The following F5 variants were observed in gnomAD, a reference collection of about 807,000 sequenced individuals.
F5 encodes activated protein c cofactor.
F5 carries 138 observed loss-of-function variants against 216.4 expected under a neutral mutation model. That is an observed-to-expected ratio of 0.64 (90% CI 0.56 to 0.73). The LOEUF is 0.73. F5 is among the 30% of genes least tolerant of loss of function. F5 has a pLI of 0.00. For missense variants in F5, 2,403 were observed against 2,674.0 expected, an observed-to-expected ratio of 0.90 and a Z score of 2.24; for synonymous variants, 916 against 930.7, an observed-to-expected ratio of 0.98 and a Z score of 0.29.
intron 3 of F5, among the ~76,000 whole-genome samples, chr1:169,569,527 C>T (rs1207025102): frequency 6.6e-6 from 1 of 152,036 alleles, no homozygotes; most frequent in East Asian, 1.9e-4. Flanking sequence ...AAAGGTGCAG[C>T]ATTGAAGTCA....
chr1:169,537,508 A>C (rs1166619352), intron 13 of F5, among the ~76,000 whole-genome samples: 3 of 152,180 alleles, frequency 2.0e-5, no homozygotes, highest in Admixed American at 2.0e-4. Flanking sequence ...TCAAACTCAA[A>C]AGTTTATGCA....
Position 169,530,927 on chromosome 1 carries a change from G to C in F5, c.5067C>G (p.Asp1689Glu). The C allele has an allele frequency of 6.2e-7, 1 of 1,613,770 alleles. No homozygotes were observed. The highest frequency in any genetic ancestry group is 8.5e-7 in the Non-Finnish European group (1 of 1,179,740). The change falls in exon 15 of 25, where the codon GAC becomes GAG. Residue 1689 changes from aspartate to glutamate, a missense_variant. Physicochemically the swap from Asp to Glu is conservative, Grantham distance 45. Coordinates refer to ENST00000367797, the MANE Select transcript of F5 (RefSeq NM_000130.5). ...TATCTTCCTTAAACCATTCAGGAGA[G>C]TCATCTTCATAAGTCTTTCCCTCTG... Reference protein sequence around the residue: ...KSSEGKTYEDDSPEWFKEDNA... With the variant: ...KSSEGKTYEDESPEWFKEDNA...
In F5 at chr1:169,581,327, A is replaced by G. The variant is rs557635264; in HGVS notation, c.250+1104T>C. ...ATTTTAGTAGACTTATTCATACTAA[A>G]GCAGATTAGGGAAGGAATATAGGCG... On this transcript the variant is annotated intron_variant, in intron 2 of 24. Coordinates refer to ENST00000367797, the MANE Select transcript of F5 (RefSeq NM_000130.5). Among the ~76,000 whole-genome samples, 8 of 152,318 alleles carry G rather than the reference A, an allele frequency of 5.3e-5. No homozygotes were observed. The East Asian group carries it at 9.6e-4, about 18-fold the overall frequency.
At chr1:169,545,691 C>T (rs564078733) in intron 11 of F5, among the ~76,000 whole-genome samples, 82 of 152,178 alleles carry the variant, frequency 5.4e-4, no homozygotes, top group Non-Finnish European at 8.8e-4. Context: ...CCCTAGCTGT[C>T]AGTCATCTGA....
chr1:169,561,250 CTT>C (rs1660478273), intron 3 of F5, among the ~76,000 whole-genome samples: 1 of 150,400 alleles, frequency 6.6e-6, no homozygotes, highest in African/African-American at 2.5e-5. Flanking sequence ...TGTTTTATCT[CTT>C]TATTTCATCT....
intron 13 of F5, 84 bp from the exon 14 acceptor site, chr1:169,536,764 C>A: frequency 9.3e-7 from 1 of 1,076,298 alleles, no homozygotes; most frequent in Non-Finnish European, 1.4e-6. Context: ...CTAAATATAG[C>A]ATCTAGCATA....
intron 13 of F5, among the ~76,000 whole-genome samples, chr1:169,538,514 A>G (rs781395704): frequency 6.6e-6 from 1 of 152,232 alleles, no homozygotes; most frequent in African/African-American, 2.4e-5. Flanking sequence ...TAGGTTAATT[A>G]GCTTGATTTA....
At chr1:169,576,826 G>T (rs1471691271) in intron 2 of F5, among the ~76,000 whole-genome samples, 1 of 152,096 alleles carries the variant, frequency 6.6e-6, no homozygotes, top group African/African-American at 2.4e-5. Flanking sequence ...TTGCTTGGTT[G>T]ATTTGTTTGT....
rs767725359 is a variant in F5 at position 169,540,850 on chromosome 1, C to G, written c.4240G>C (p.Asp1414His). Residue 1414 changes from aspartate to histidine, a missense_variant, in exon 13 of 25, where the codon GAC becomes CAC. Around this residue, in one of 4 missense-constraint regions of F5, gnomAD observed 293 missense variants for 270.8 expected, o/e 1.08. Coordinates refer to ENST00000367797, the MANE Select transcript of F5 (RefSeq NM_000130.5). Reference sequence around the variant, plus strand: ...GGGGAAAGATCTGTCTCACCAAGGTCTGGAGAAAGTGTCATCTGGTCGAGG... The same window carrying G: ...GGGGAAAGATCTGTCTCACCAAGGTGTGGAGAAAGTGTCATCTGGTCGAGG... ...PDLDQMTLSPDLGETDLSPNF... is the reference protein window; with the variant it reads ...PDLDQMTLSPHLGETDLSPNF... The G allele has an allele frequency of 1.2e-6, 2 of 1,611,868 alleles. No individual in the cohort carries two copies. Among genetic ancestry groups the G allele is most frequent in the East Asian group, 4.5e-5 (2 of 44,680 alleles).
At chr1:169,575,304 G>T (rs1231467956) in intron 2 of F5, among the ~76,000 whole-genome samples, 1 of 152,222 alleles carries the variant, frequency 6.6e-6, no homozygotes, top group Non-Finnish European at 1.5e-5. Context: ...CAGTGGGGAG[G>T]TGGAGCTTAG....
Position 169,541,972 on chromosome 1 carries a change from G to A in F5, c.3118C>T (p.His1040Tyr), listed in dbSNP as rs759078751. Residue 1040 changes from histidine to tyrosine, a missense_variant, in exon 13 of 25, where the codon CAT becomes TAT. Around this residue, in one of 4 missense-constraint regions of F5, gnomAD observed 1,425 missense variants for 1,554.8 expected, o/e 0.92. Transcript: ENST00000367797. ...AAGGTCCTCGGAGATAAAGGAGCATGGTGTGTGTGCTTCTCTTTTTTCTTT... is the reference window on the plus strand; with the variant it reads ...AAGGTCCTCGGAGATAAAGGAGCATAGTGTGTGTGCTTCTCTTTTTTCTTT... ...RKKKKEKHTH[H>Y]APLSPRTFHP... The A allele has an allele frequency of 5.0e-6, 8 of 1,613,978 alleles. No individual in the cohort carries two copies. The highest frequency in any genetic ancestry group is 4.5e-5 in the East Asian group (2 of 44,890).
chr1:169,585,388 GA>G (rs1184643754), intron 1 of F5, among the ~76,000 whole-genome samples: 2 of 151,994 alleles, frequency 1.3e-5, no homozygotes, highest in African/African-American at 2.4e-5. Flanking sequence ...GTGATGTAAG[GA>G]AAAAAAGTGA....
rs371625729 is a variant in F5, at chr1:169,525,967, G to A, written c.5650C>T (p.Leu1884=). 9 of 1,613,128 alleles carry A rather than the reference G, an allele frequency of 5.6e-6. No homozygotes were observed. In the African/African-American group the frequency reaches 1.1e-4, roughly 19 times the overall value. The change falls in exon 18 of 25, where the codon CTA becomes TTA. Residue 1884 remains leucine (L), a synonymous_variant. Coordinates refer to ENST00000367797, the MANE Select transcript of F5 (RefSeq NM_000130.5). ...MKASKPGWWL[L]NTEVGENQRA... is the part of the protein sequence containing the mutation. Reference sequence around the variant, plus strand: ...TGGTTTTCTCCAACCTCTGTGTTTAGGAGCCACCAGCCAGGTTTTGATGCC... The same window carrying A: ...TGGTTTTCTCCAACCTCTGTGTTTAAGAGCCACCAGCCAGGTTTTGATGCC...
chr1:169,579,085 A>G (rs558619831), intron 2 of F5, among the ~76,000 whole-genome samples: 1 of 150,228 alleles, frequency 6.7e-6, no homozygotes, highest in African/African-American at 2.5e-5. Context: ...CCCATCTGGA[A>G]CCAAGTTTCA....
chr1:169,546,978 AAAAAAGAAAAG>A (rs746889698), intron 10 of F5, among the ~76,000 whole-genome samples: 9,358 of 93,018 alleles, frequency 0.1, 1,112 homozygotes, highest in East Asian at 0.69. Flanking sequence ...AAAAAAAAAA[AAAAAAGAAAAG>A]AAAAGAAAAG....
chr1:169,560,408 T>G (rs12119880), intron 4 of F5, 146 bp downstream of exon 4: 12,214 of 732,136 alleles, frequency 0.017, 147 homozygotes, highest in Non-Finnish European at 0.022. Context: ...TTTTTTCTCT[T>G]GTCAAACAAT....
chr1:169,557,943 A>C (rs965538964), intron 5 of F5, among the ~76,000 whole-genome samples: 6 of 152,078 alleles, frequency 3.9e-5, no homozygotes, highest in South Asian at 2.1e-4. Context: ...TACTATTCTT[A>C]GTTTCTACTG....
chr1:169,541,568 G>C lies in F5; in HGVS notation c.3522C>G (p.Ser1174=), dbSNP rs367843000. 3 of 1,613,986 alleles carry C rather than the reference G, an allele frequency of 1.9e-6. No homozygotes were observed. The African/African-American group carries it at 4.0e-5, about 22-fold the overall frequency. ...KSFPTDISQM[S]PSSEHEVWQT... ...GCCAGACTTCATGTTCTGAGGAAGG[G>C]GACATTTGACTTATATCTGTGGGGA... is the stretch of plus-strand genomic sequence containing the variant. The change falls in exon 13 of 25, where the codon TCC becomes TCG. Residue 1174 remains serine (S), a synonymous_variant. Coordinates refer to ENST00000367797, the MANE Select transcript of F5 (RefSeq NM_000130.5).
intron 3 of F5, among the ~76,000 whole-genome samples, chr1:169,571,206 C>A (rs1299152152): frequency 1.3e-5 from 2 of 152,052 alleles, no homozygotes; most frequent in Non-Finnish European, 2.9e-5. Flanking sequence ...TAATTAGAAC[C>A]ATATTAACAT....
Sources: gnomAD v4.1 joint callset for allele counts (sites outside exome capture counted in the v4.1 genomes callset) on GRCh38, gnomAD v4.1.1 for gene constraint, gnomAD v4.1.1 regional missense constraint, MANE v1.5 for transcripts, NCBI Gene and HGNC (gene_info 2026-07-23, HGNC 2026-07-21) for gene names.